WNT2B: variants seen among roughly 807,000 people sequenced by gnomAD.
WNT2B encodes the protein Wnt family member 2B.
Under a neutral mutation model 40.5 loss-of-function variants are expected in WNT2B, and 19 were observed. That is an observed-to-expected ratio of 0.47 (90% CI 0.33 to 0.69). WNT2B has a LOEUF of 0.69. Among genes scored for constraint, WNT2B ranks in the 30% least tolerant of loss-of-function variants. The pLI is 0.02. For synonymous variants in WNT2B, 220 were observed against 211.9 expected (o/e 1.04, Z -0.33); for missense variants, 467 against 556.4 (o/e 0.84, Z 1.62).
chr1:112,490,804 T>C (rs946946572), intron 1 of WNT2B, among the ~76,000 whole-genome samples: 1 of 152,076 alleles, frequency 6.6e-6, no homozygotes, highest in African/African-American at 2.4e-5. Context: ...ACTCATATTC[T>C]TAATGAAAAG....
At chr1:112,507,557 G>A (rs1652151182), upstream of WNT2B, among the ~76,000 whole-genome samples, 1 of 152,124 alleles carries the variant, frequency 6.6e-6, no homozygotes, top group Non-Finnish European at 1.5e-5. Context: ...GGTGGGGAGA[G>A]AGGTTAAAGG....
chr1:112,495,421 C>CA lies in WNT2B; in HGVS notation c.-94-19445dup, dbSNP rs534459070. On this transcript the variant is annotated intron_variant, in intron 1 of 4. Coordinates refer to the WNT2B transcript ENST00000256640. ...GAAACCCCCGTCTCTACTAAAAATA[C>CA]AAAAAAAACAAAAAAAAATTAGCTG... Among the ~76,000 whole-genome samples the CA allele has an allele frequency of 6.5e-3, 982 of 150,584 alleles. 4 individuals are homozygous for CA. The highest frequency in any genetic ancestry group is 9.1e-3 in the African/African-American group (375 of 41,042).
chr1:112,513,137 A>G lies in WNT2B; in HGVS notation c.183-1737A>G, dbSNP rs75137963. Among the ~76,000 whole-genome samples, 1,140 of 148,270 alleles carry G rather than the reference A, an allele frequency of 7.7e-3. 11 individuals are homozygous for G. Among genetic ancestry groups the G allele is most frequent in the Non-Finnish European group, 0.01 (694 of 67,398 alleles). On this transcript the variant is annotated intron_variant, in intron 1 of 4. Coordinates refer to ENST00000369684, the MANE Select transcript of WNT2B (RefSeq NM_024494.3). ...AGCCCCATTAAAAAAAAACAAAAAA[A>G]CACACCCATTGCCTAGAGCAGTACT...
chr1:112,494,309 CA>C (rs60459479), intron 1 of WNT2B, among the ~76,000 whole-genome samples: 12 of 144,096 alleles, frequency 8.3e-5, no homozygotes, highest in Middle Eastern at 3.5e-3. Flanking sequence ...CGATCCGTTT[CA>C]AAAAAAAAAA....
At chr1:112,513,271 G>A (rs1258851741) in intron 1 of WNT2B, among the ~76,000 whole-genome samples, 1 of 152,224 alleles carries the variant, frequency 6.6e-6, no homozygotes, top group Non-Finnish European at 1.5e-5. Context: ...ACTCTGGGCT[G>A]TGCGTCAGGC....
intron 1 of WNT2B, among the ~76,000 whole-genome samples, chr1:112,470,087 C>T (rs565925602): frequency 1.3e-5 from 2 of 152,226 alleles, no homozygotes; most frequent in African/African-American, 2.4e-5. Context: ...TTTGTACCTT[C>T]GGATAATTTT....
chr1:112,484,970 G>A (rs1651367882), intron 1 of WNT2B, among the ~76,000 whole-genome samples: 1 of 152,154 alleles, frequency 6.6e-6, no homozygotes, highest in South Asian at 2.1e-4. Context: ...TATGAATTCA[G>A]TGCTCTCCAA....
Position 112,526,126 on chromosome 1 carries a change from T to C in WNT2B, c.*5617T>C, listed in dbSNP as rs1653328977. On this transcript the variant is annotated 3_prime_UTR_variant, in exon 5 of 5. Transcript: ENST00000369684. Reference sequence around the variant, plus strand: ...AGTCCCAGCACCTTCAAAACAGAAATTGATACAAAATGTTCAAGCCCTGTA... The same window carrying C: ...AGTCCCAGCACCTTCAAAACAGAAACTGATACAAAATGTTCAAGCCCTGTA... 1 of 1,613,922 alleles carries C rather than the reference T, an allele frequency of 6.2e-7. No homozygotes were observed.
chr1:112,520,201 CTTCT>C, intron 4 of WNT2B, 75 bp from the exon 5 acceptor site: 4 of 1,390,392 alleles, frequency 2.9e-6, no homozygotes, highest in Non-Finnish European at 4.0e-6. Flanking sequence ...TTTTATCTTC[CTTCT>C]GAGAATGTGG....
chr1:112,518,586 A>C (rs1652693420), intron 4 of WNT2B: 1 of 152,162 alleles, frequency 6.6e-6, no homozygotes, highest in South Asian at 2.1e-4. Flanking sequence ...CTTTCCTCCC[A>C]CTTGGTCTAA....
Position 112,520,643 on chromosome 1 carries a change from C to A in WNT2B, c.*134C>A. On this transcript the variant is annotated 3_prime_UTR_variant, in exon 5 of 5. Coordinates refer to ENST00000369684, the MANE Select transcript of WNT2B (RefSeq NM_024494.3). ...CTATTTAAGGATGTAGAGAGTAATC[C>A]ATAGGGACCATGGTGTCCTGGCTGG... The A allele has an allele frequency of 1.1e-6, 1 of 916,438 alleles. No homozygotes were observed. 56.8% of individuals were successfully genotyped at this position (916,438 alleles called of 1,614,324 possible).
At chr1:112,514,624 A>ACTTTGGC in intron 1 of WNT2B, 1 of 558,906 alleles carries the variant, frequency 1.8e-6, no homozygotes. Flanking sequence ...AGTGTATGTC[A>ACTTTGGC]CTTTGGCCTT....
intron 1 of WNT2B, among the ~76,000 whole-genome samples, chr1:112,495,979 A>T (rs1651754657): frequency 6.6e-6 from 1 of 152,194 alleles, no homozygotes; most frequent in Non-Finnish European, 1.5e-5. Flanking sequence ...AAGCCCTTAT[A>T]TAAGGGCATC....
At chr1:112,504,172 G>A (rs1025899974), upstream of WNT2B, among the ~76,000 whole-genome samples, 4 of 152,184 alleles carry the variant, frequency 2.6e-5, no homozygotes, top group African/African-American at 7.2e-5. Context: ...CCACCCGCCC[G>A]GAATGGCCGT....
chr1:112,526,212 C>T lies in WNT2B; in HGVS notation c.*5703C>T. 6.7e-7 allele frequency: 1 copy of T among 1,498,544 alleles called. No individual in the cohort carries two copies. The highest frequency in any genetic ancestry group is 9.0e-7 in the Non-Finnish European group (1 of 1,111,456). The allele number at this position is 1,498,544 out of a possible 1,614,324, so 92.8% of individuals were successfully genotyped here. A position where few individuals can be genotyped will look rare whatever the true frequency, so the allele number is the denominator to read the frequency against. On this transcript the variant is annotated 3_prime_UTR_variant, in exon 5 of 5. Transcript: ENST00000369684. ...ACAGTTTACAAAGGAACAGCCTAGGCCCTCCTGAACCTTATCAACCAATGG... is the reference window on the plus strand; with the variant it reads ...ACAGTTTACAAAGGAACAGCCTAGGTCCTCCTGAACCTTATCAACCAATGG...
At chr1:112,484,283 A>G (rs113043881) in intron 1 of WNT2B, among the ~76,000 whole-genome samples, 2 of 125,520 alleles carry the variant, frequency 1.6e-5, no homozygotes, top group Admixed American at 8.3e-5. Flanking sequence ...ATATATATAT[A>G]TATATATACA....
At chr1:112,474,401 G>A (rs944459652) in intron 1 of WNT2B, among the ~76,000 whole-genome samples, 2 of 152,206 alleles carry the variant, frequency 1.3e-5, no homozygotes, top group South Asian at 2.1e-4. Flanking sequence ...GCCTGCCTCC[G>A]CCTCCCAAAG....
At chr1:112,487,962 T>TAA in intron 1 of WNT2B, among the ~76,000 whole-genome samples, 1 of 125,656 alleles carries the variant, frequency 8.0e-6, no homozygotes, top group African/African-American at 3.1e-5. Context: ...AAAAAAAATC[T>TAA]AAGCTGTTGG....
rs1025476248 is a variant in WNT2B at position 112,528,229 on chromosome 1, C to T, written c.*7720C>T. On this transcript the variant is annotated 3_prime_UTR_variant, in exon 5 of 5. Coordinates refer to ENST00000369684, the MANE Select transcript of WNT2B (RefSeq NM_024494.3). Reference sequence around the variant, plus strand: ...AAGAAGGCATTCTAAATAGAGGGAACTGGTATGTGCTGAAACTTAGAAGCA... The same window carrying T: ...AAGAAGGCATTCTAAATAGAGGGAATTGGTATGTGCTGAAACTTAGAAGCA... 6.6e-6 allele frequency: 1 copy of T among 152,110 alleles called. No homozygotes were observed. The highest frequency in any genetic ancestry group is 1.9e-4 in the East Asian group (1 of 5,192). 9.4% of individuals were successfully genotyped at this position (152,110 alleles called of 1,614,324 possible).
Sources: gnomAD v4.1 joint callset for allele counts (sites outside exome capture counted in the v4.1 genomes callset) on GRCh38, gnomAD v4.1.1 for gene constraint, MANE v1.5 for transcripts, NCBI Gene and HGNC (gene_info 2026-07-23, HGNC 2026-07-21) for gene names.